The following CLPB variants were observed in gnomAD, a reference collection of about 807,000 sequenced individuals.
CLPB encodes the protein mitochondrial disaggregase.
A neutral mutation model predicts 78.4 loss-of-function variants in CLPB; 40 were observed. That is an observed-to-expected ratio of 0.51 (90% CI 0.40 to 0.66). CLPB has a LOEUF of 0.66. Among genes scored for constraint, CLPB ranks in the 30% least tolerant of loss-of-function variants. The pLI, the probability that CLPB is intolerant of heterozygous loss-of-function variation, is 0.00. For missense variants in CLPB, 780 were observed against 886.9 expected (o/e 0.88, Z 1.53); for synonymous variants, 333 against 348.0 (o/e 0.96, Z 0.48).
intron 6 of CLPB, among the ~76,000 whole-genome samples, chr11:72,323,590 G>A (rs1950082299): frequency 6.6e-6 from 1 of 150,840 alleles, no homozygotes; most frequent in Non-Finnish European, 1.5e-5. Flanking sequence ...AAAAGTCAAG[G>A]TCATAAAAGT....
chr11:72,424,371 T>C (rs1856302612), intron 2 of CLPB, among the ~76,000 whole-genome samples: 1 of 152,210 alleles, frequency 6.6e-6, no homozygotes, highest in Non-Finnish European at 1.5e-5. Context: ...CACCCATTAT[T>C]TTCCTGTAGT....
chr11:72,321,158 T>C (rs1950037244), intron 6 of CLPB, among the ~76,000 whole-genome samples: 1 of 152,082 alleles, frequency 6.6e-6, no homozygotes, highest in Non-Finnish European at 1.5e-5. Context: ...CTATAAATAC[T>C]ATTGTTCCTG....
rs182651233 is a variant in CLPB, at chr11:72,332,844, A to G, written c.776-3040T>C. 2.0e-4 allele frequency: 30 copies of G among 152,306 alleles called. No homozygotes were observed. In the East Asian group the frequency reaches 4.2e-3, roughly 22 times the overall value. The allele number at this position is 152,306 out of a possible 1,614,324, so 9.4% of individuals were successfully genotyped here. A position where few individuals can be genotyped will look rare whatever the true frequency, so the allele number is the denominator to read the frequency against. On this transcript the variant is annotated intron_variant, in intron 5 of 15. Transcript: ENST00000538039. Reference sequence around the variant, plus strand: ...TGGATATACTACATTTTGTTTTTCTATCAGGTGATGATCGACATTTAAGCT... The same window carrying G: ...TGGATATACTACATTTTGTTTTTCTGTCAGGTGATGATCGACATTTAAGCT...
intron 3 of CLPB, among the ~76,000 whole-genome samples, chr11:72,388,644 T>C (rs533082095): frequency 2.7e-4 from 41 of 152,268 alleles, no homozygotes; most frequent in African/African-American, 9.6e-4. Flanking sequence ...TAACCAACAG[T>C]GGCGTCAAAC....
chr11:72,357,547 T>C (rs1393368650), intron 5 of CLPB, among the ~76,000 whole-genome samples: 1 of 151,354 alleles, frequency 6.6e-6, no homozygotes, highest in East Asian at 1.9e-4. Context: ...AAATACAATA[T>C]TAGCCAGATG....
intron 2 of CLPB, among the ~76,000 whole-genome samples, chr11:72,412,974 C>A (rs564965476): frequency 6.6e-6 from 1 of 152,202 alleles, no homozygotes; most frequent in East Asian, 1.9e-4. Flanking sequence ...AAAAATCACA[C>A]ACACACACAC....
At chr11:72,341,659 C>T (rs1340009964) in intron 5 of CLPB, among the ~76,000 whole-genome samples, 1 of 152,144 alleles carries the variant, frequency 6.6e-6, no homozygotes, top group East Asian at 1.9e-4. Context: ...TTCAGTGGGC[C>T]ATAGGCAGAG....
rs183449756 is a variant in CLPB at position 72,290,075 on chromosome 11, T to A, written c.*3292A>T. 4 of 152,216 alleles carry A rather than the reference T, an allele frequency of 2.6e-5. No homozygotes were observed. Among genetic ancestry groups the A allele is most frequent in the Non-Finnish European group, 4.4e-5 (3 of 68,032 alleles). 9.4% of individuals were successfully genotyped at this position (152,216 alleles called of 1,614,324 possible). A position where few individuals can be genotyped will look rare whatever the true frequency, so the allele number is the denominator to read the frequency against. On this transcript the variant is annotated 3_prime_UTR_variant, in exon 16 of 16. Transcript: ENST00000538039. ...GTTTCCAGTGGCATCAAGAAACAAC[T>A]TGGTTTCTAAGTTCCTTTTTTCTGG... is the stretch of plus-strand genomic sequence containing the variant.
chr11:72,307,398 CCA>C (rs1949765108), intron 8 of CLPB, 144 bp from the exon 9 acceptor site: 2 of 695,420 alleles, frequency 2.9e-6, no homozygotes, highest in African/African-American at 1.8e-5. Flanking sequence ...AGCGACTCTC[CCA>C]CAGTCACCTA....
intron 4 of CLPB, among the ~76,000 whole-genome samples, chr11:72,366,918 G>A (rs996016001): frequency 7.2e-5 from 11 of 152,018 alleles, no homozygotes; most frequent in African/African-American, 2.7e-4. Flanking sequence ...AAAGAAACAG[G>A]CACTCATATG....
chr11:72,286,189 T>A lies in CLPB; in HGVS notation c.*7178A>T, dbSNP rs1381670695. 2 of 148,060 alleles carry A rather than the reference T, an allele frequency of 1.4e-5. No homozygotes were observed. The highest frequency in any genetic ancestry group is 3.0e-5 in the Non-Finnish European group (2 of 67,484). 9.2% of individuals were successfully genotyped at this position (148,060 alleles called of 1,614,324 possible). Reference sequence around the variant, plus strand: ...TCCACCTGCCTTGACCCCTCAGTGTTCTGTTGAGATTACAGGTGTGAGATA... The same window carrying A: ...TCCACCTGCCTTGACCCCTCAGTGTACTGTTGAGATTACAGGTGTGAGATA... On this transcript the variant is annotated 3_prime_UTR_variant, in exon 16 of 16. Coordinates refer to ENST00000538039, the MANE Select transcript of CLPB (RefSeq NM_001258392.3).
rs79355867 is a variant in CLPB, at chr11:72,369,892, A to G, written c.646+10389T>C. ...AGATGAATCTGAGATACTAGGGAGCAGTGCAGTAAAAAGATTAAAGTGTTA... is the reference window on the plus strand; with the variant it reads ...AGATGAATCTGAGATACTAGGGAGCGGTGCAGTAAAAAGATTAAAGTGTTA... On this transcript the variant is annotated intron_variant, in intron 4 of 15. Coordinates refer to ENST00000538039, the MANE Select transcript of CLPB (RefSeq NM_001258392.3). 4.0e-3 allele frequency among the ~76,000 whole-genome samples: 610 copies of G among 152,318 alleles called. 12 individuals are homozygous for G. In the East Asian group the frequency reaches 0.064, roughly 16 times the overall value.
At chr11:72,300,010 C>T (rs188756926) in intron 11 of CLPB, among the ~76,000 whole-genome samples, 117 of 152,262 alleles carry the variant, frequency 7.7e-4, no homozygotes, top group African/African-American at 2.7e-3. Flanking sequence ...TCAAACAGGC[C>T]GCGATGCTCA....
chr11:72,419,879 G>A (rs894946608), intron 2 of CLPB, among the ~76,000 whole-genome samples: 1 of 152,174 alleles, frequency 6.6e-6, no homozygotes, highest in Non-Finnish European at 1.5e-5. Flanking sequence ...TGAGCTCCAT[G>A]AGGCAAATCC....
rs181108410 is a variant in CLPB, at chr11:72,387,644, T to C, written c.543-7260A>G. On this transcript the variant is annotated intron_variant, in intron 3 of 15. Coordinates refer to ENST00000538039, the MANE Select transcript of CLPB (RefSeq NM_001258392.3). Reference sequence around the variant, plus strand: ...CAGGTTATAAGTACGTAAAACTCCATAGTGCCTGACACATTAAAAAAAAAA... The same window carrying C: ...CAGGTTATAAGTACGTAAAACTCCACAGTGCCTGACACATTAAAAAAAAAA... Among the ~76,000 whole-genome samples the C allele has an allele frequency of 1.7e-4, 26 of 151,616 alleles. No homozygotes were observed. In the East Asian group the frequency reaches 4.3e-3, roughly 25 times the overall value.
chr11:72,370,952 G>T (rs1951030165), intron 4 of CLPB, among the ~76,000 whole-genome samples: 1 of 152,088 alleles, frequency 6.6e-6, no homozygotes, highest in African/African-American at 2.4e-5. Flanking sequence ...TACTAATGTT[G>T]CATCTTTATT....
At chr11:72,305,681 C>A (rs1949734519) in intron 9 of CLPB, among the ~76,000 whole-genome samples, 1 of 152,202 alleles carries the variant, frequency 6.6e-6, no homozygotes, top group Admixed American at 6.5e-5. Context: ...CTGAGTGAGG[C>A]ATGCACTGAA....
chr11:72,401,118 G>A (rs983976012), intron 3 of CLPB, among the ~76,000 whole-genome samples: 1 of 152,116 alleles, frequency 6.6e-6, no homozygotes, highest in African/African-American at 2.4e-5. Context: ...TCTCAACTAC[G>A]AAGCCTATTT....
chr11:72,408,843 G>C (rs982974978), intron 2 of CLPB, among the ~76,000 whole-genome samples: 2 of 152,150 alleles, frequency 1.3e-5, no homozygotes, highest in Non-Finnish European at 2.9e-5. Flanking sequence ...GCAAGTGAAT[G>C]CACAGTGGGC....
Sources: allele counts gnomAD v4.1 joint callset (sites outside exome capture counted in the v4.1 genomes callset), GRCh38; gene constraint gnomAD v4.1.1; transcripts MANE v1.5; gene names NCBI Gene and HGNC (gene_info 2026-07-23, HGNC 2026-07-21).